Variants in EPB41L3 observed in about 807,000 individuals in gnomAD.
EPB41L3 encodes band 4.1-like protein 3.
Under a neutral mutation model 127.1 loss-of-function variants are expected in EPB41L3, and 57 were observed. That is an observed-to-expected ratio of 0.45 (90% CI 0.36 to 0.56). The LOEUF is 0.56. EPB41L3 is among the 20% of genes least tolerant of loss of function. The pLI is 0.00. For missense variants in EPB41L3, 1,273 were observed against 1,372.2 expected, an observed-to-expected ratio of 0.93 and a Z score of 1.14; for synonymous variants, 572 against 549.5, an observed-to-expected ratio of 1.04 and a Z score of -0.57.
At chr18:5,444,081 A>G (rs1176041975) in intron 4 of EPB41L3, among the ~76,000 whole-genome samples, 1 of 152,222 alleles carries the variant, frequency 6.6e-6, no homozygotes, top group African/African-American at 2.4e-5. Flanking sequence ...GAGAAAATGC[A>G]CATGTATGCA....
rs2143913227 is a variant in EPB41L3 at position 5,406,891 on chromosome 18, G to A, written c.2235C>T (p.Thr745=). 1.2e-6 allele frequency: 2 copies of A among 1,614,136 alleles called. No homozygotes were observed. Among genetic ancestry groups the A allele is most frequent in the Non-Finnish European group, 1.7e-6 (2 of 1,180,018 alleles). The part of the protein sequence containing the change: ...ISELKRTFLE[T]STDTAVTNEW... ...CATTCGTTACGGCAGTGTCTGTTGA[G>A]GTTTCTAAGAAGGTTCTTTTCAGCT... The change falls in exon 16 of 23, where the codon ACC becomes ACT. Residue 745 remains threonine (T), a synonymous_variant. Transcript: ENST00000341928.
chr18:5,584,198 A>G (rs1338247397), intron 3 of EPB41L3, among the ~76,000 whole-genome samples: 2 of 152,186 alleles, frequency 1.3e-5, no homozygotes, highest in East Asian at 1.9e-4. Flanking sequence ...TGGATATAAG[A>G]GCACAGCCAA....
intron 3 of EPB41L3, among the ~76,000 whole-genome samples, chr18:5,565,646 G>A (rs2094189798): frequency 8.2e-6 from 1 of 121,292 alleles, no homozygotes; most frequent in Non-Finnish European, 1.6e-5. Context: ...AGGCCCCGGT[G>A]TGTGATGTTC....
intron 1 of EPB41L3, among the ~76,000 whole-genome samples, chr18:5,541,294 T>C (rs558619799): frequency 6.8e-6 from 1 of 146,868 alleles, no homozygotes; most frequent in South Asian, 2.2e-4. Flanking sequence ...CTCTTCATTA[T>C]ATATACTCAA....
rs371240117 is a variant in EPB41L3, at chr18:5,397,128, C to T, written c.2771G>A (p.Arg924His). Residue 924 changes from arginine (R) to histidine (H), a missense_variant, in exon 18 of 23, where the codon CGT becomes CAT. Arg to His is a conservative substitution (Grantham distance 29). Transcript: ENST00000341928. This position sits in a 1 kb window ranked among gnomAD's most constrained non-coding sequence, Gnocchi z 4.1. The stretch of plus-strand genomic sequence containing the variant: ...TGCACTCTGCTCCTCTTGTCGCTCA[C>T]GGGAAGCAGCGGCTGTCTCTTCCTG... Reference protein sequence around the residue: ...LEQEETAAASRERQEEQSAAI... With the variant: ...LEQEETAAASHERQEEQSAAI... 4.1e-5 allele frequency: 66 copies of T among 1,614,040 alleles called. No individual in the cohort carries two copies. The highest frequency in any genetic ancestry group is 3.3e-4 in the Middle Eastern group (2 of 6,084).
chr18:5,396,416 T>A, intron 18 of EPB41L3, 84 bp from the exon 19 acceptor site: 2 of 1,520,954 alleles, frequency 1.3e-6, no homozygotes, highest in Non-Finnish European at 1.8e-6. Context: ...TTGGTGGTTA[T>A]AAGCACAGGT....
rs532078906 is a variant in EPB41L3 at position 5,459,758 on chromosome 18, T to C, written c.382-14514A>G. ...TAACAGACATACTTATGCATTTGAT[T>C]ATACATGATGCACATATCAAATGAA... On this transcript the variant is annotated intron_variant, in intron 3 of 22. Transcript: ENST00000341928. Among the ~76,000 whole-genome samples the C allele has an allele frequency of 1.4e-3, 219 of 152,362 alleles. 1 individual carries two copies. Among genetic ancestry groups the C allele is most frequent in the African/African-American group, 5.1e-3 (212 of 41,594 alleles).
chr18:5,465,978 A>AT (rs1389454938), intron 3 of EPB41L3, among the ~76,000 whole-genome samples: 1 of 151,946 alleles, frequency 6.6e-6, no homozygotes, highest in African/African-American at 2.4e-5. Flanking sequence ...CCAACAAAAA[A>AT]AAAAAAGTAG....
chr18:5,588,398 A>G (rs1163174150), intron 3 of EPB41L3, among the ~76,000 whole-genome samples: 1 of 152,140 alleles, frequency 6.6e-6, no homozygotes, highest in Non-Finnish European at 1.5e-5. Context: ...TAACACTAAA[A>G]CAACGTTTTA....
intron 3 of EPB41L3, among the ~76,000 whole-genome samples, chr18:5,563,155 T>C (rs1030988531): frequency 3.3e-5 from 5 of 152,198 alleles, no homozygotes; most frequent in African/African-American, 1.2e-4. Flanking sequence ...CACAGGATCC[T>C]TGAAATAGTC....
At chr18:5,544,523 A>G (rs1283396266), upstream of EPB41L3, among the ~76,000 whole-genome samples, 1 of 151,922 alleles carries the variant, frequency 6.6e-6, no homozygotes, top group Admixed American at 6.6e-5. Flanking sequence ...TTTTTCAGCA[A>G]CTCAGCTACT....
chr18:5,457,260 A>G (rs2083246104), intron 3 of EPB41L3, among the ~76,000 whole-genome samples: 1 of 152,124 alleles, frequency 6.6e-6, no homozygotes, highest in Non-Finnish European at 1.5e-5. Context: ...ACATGTTTAG[A>G]CTGCACTGTT....
In EPB41L3 at chr18:5,393,256, T is replaced by C. The variant is rs1316923356; in HGVS notation, c.*229A>G. ...AAAATGCTGCTCTTTTGTAATTTTA[T>C]CGTTGCTTCATGCATTATCGGTTTA... On this transcript the variant is annotated 3_prime_UTR_variant, in exon 23 of 23. Transcript: ENST00000341928. 7.0e-6 allele frequency: 3 copies of C among 427,912 alleles called. No individual in the cohort carries two copies. In the Admixed American group the frequency reaches 1.3e-4, roughly 18 times the overall value. 26.5% of individuals were successfully genotyped at this position (427,912 alleles called of 1,614,324 possible).
intron 3 of EPB41L3, among the ~76,000 whole-genome samples, chr18:5,460,112 G>A (rs1261311538): frequency 6.6e-6 from 1 of 152,144 alleles, no homozygotes; most frequent in Non-Finnish European, 1.5e-5. Flanking sequence ...GTCCATGTAT[G>A]CCCAGTGTTT....
At chr18:5,565,187 A>C (rs1392607000) in intron 3 of EPB41L3, among the ~76,000 whole-genome samples, 2 of 151,748 alleles carry the variant, frequency 1.3e-5, no homozygotes, top group Admixed American at 6.6e-5. Flanking sequence ...ACTTGAGGCC[A>C]GGAGTTCGAG....
At chr18:5,466,149 C>T (rs1198524426) in intron 3 of EPB41L3, among the ~76,000 whole-genome samples, 2 of 152,176 alleles carry the variant, frequency 1.3e-5, no homozygotes, top group Non-Finnish European at 2.9e-5. Context: ...TTTTCCCTTA[C>T]TCCTCTGCTG....
intron 3 of EPB41L3, among the ~76,000 whole-genome samples, chr18:5,474,197 C>T (rs1487035639): frequency 6.6e-6 from 1 of 151,316 alleles, no homozygotes; most frequent in South Asian, 2.1e-4. Context: ...CGCCACTGCA[C>T]TCCAGCCTGG....
At chr18:5,430,002 CTA>C (rs1466560713) in intron 8 of EPB41L3, among the ~76,000 whole-genome samples, 8 of 152,188 alleles carry the variant, frequency 5.3e-5, no homozygotes, top group Non-Finnish European at 1.2e-4. Flanking sequence ...TTTTTGGTAA[CTA>C]TAGAACAGGA....
chr18:5,462,910 T>A (rs1189363083), intron 3 of EPB41L3, among the ~76,000 whole-genome samples: 1 of 152,216 alleles, frequency 6.6e-6, no homozygotes, highest in East Asian at 1.9e-4. Flanking sequence ...CTAAGTTAAA[T>A]TCACTGTCTT....
Sources: gnomAD v4.1 joint callset for allele counts (sites outside exome capture counted in the v4.1 genomes callset) on GRCh38, gnomAD v4.1.1 for gene constraint, Gnocchi (gnomAD v3.1) non-coding constraint, MANE v1.5 for transcripts, NCBI Gene and HGNC (gene_info 2026-07-23, HGNC 2026-07-21) for gene names.